Variants in TMPRSS15 observed in about 807,000 individuals in gnomAD.
TMPRSS15 encodes transmembrane serine protease 15, also known as enteropeptidase.
Under a neutral mutation model 125.3 loss-of-function variants are expected in TMPRSS15, and 128 were observed. That is an observed-to-expected ratio of 1.02 (90% CI 0.89 to 1.18). TMPRSS15 has a LOEUF of 1.18. TMPRSS15 is among the 50% of genes most tolerant of loss of function. The pLI is 0.00. For synonymous variants in TMPRSS15, 446 were observed against 423.2 expected (o/e 1.05, Z -0.66); for missense variants, 1,283 against 1,212.7 (o/e 1.06, Z -0.86).
At chr21:18,357,980 C>T (rs2075642014) in intron 8 of TMPRSS15, among the ~76,000 whole-genome samples, 1 of 151,610 alleles carries the variant, frequency 6.6e-6, no homozygotes, top group Non-Finnish European at 1.5e-5. Flanking sequence ...AATGATTATT[C>T]TGAATATCTT....
At chr21:18,394,228 A>G (rs2076013860) in intron 3 of TMPRSS15, among the ~76,000 whole-genome samples, 2 of 152,108 alleles carry the variant, frequency 1.3e-5, no homozygotes, top group African/African-American at 4.8e-5. Context: ...TAAGTTAGCA[A>G]TTTATGTTGT....
In TMPRSS15 at chr21:18,380,166, G is replaced by GTC. The variant is rs200672874; in HGVS notation, c.497-850_497-849dup. 1.0e-3 allele frequency among the ~76,000 whole-genome samples: 85 copies of GTC among 84,642 alleles called. 1 individual carries two copies. In the South Asian group the frequency reaches 0.024, roughly 24 times the overall value. The allele number at this position is 84,642 out of a possible 152,430, so 55.5% of individuals were successfully genotyped here. A position where few individuals can be genotyped will look rare whatever the true frequency, so the allele number is the denominator to read the frequency against. On this transcript the variant is annotated intron_variant, in intron 4 of 24. Coordinates refer to ENST00000284885, the MANE Select transcript of TMPRSS15 (RefSeq NM_002772.3). ...ATGATTTGGAGCCGTTTATGGAGAT[G>GTC]TCACACACACACACACACACACACA...
chr21:18,359,667 A>G, intron 8 of TMPRSS15, 90 bp downstream of exon 8: 1 of 646,088 alleles, frequency 1.5e-6, no homozygotes, highest in African/African-American at 1.9e-5. Context: ...GTCCATATTC[A>G]CTTCAAAATC....
At chr21:18,288,602 G>C (rs1319500685) in intron 21 of TMPRSS15, among the ~76,000 whole-genome samples, 2 of 141,132 alleles carry the variant, frequency 1.4e-5, no homozygotes, top group Admixed American at 1.5e-4. Context: ...GTGCAGTGGT[G>C]CGATCTCGGC....
At chr21:18,415,309 C>T (rs530094894) in intron 1 of TMPRSS15, among the ~76,000 whole-genome samples, 1 of 152,054 alleles carries the variant, frequency 6.6e-6, no homozygotes. Flanking sequence ...CTATAGGTTG[C>T]CTTTCAATCT....
At chr21:18,330,422 G>A (rs2075333201) in intron 14 of TMPRSS15, among the ~76,000 whole-genome samples, 1 of 152,094 alleles carries the variant, frequency 6.6e-6, no homozygotes, top group African/African-American at 2.4e-5. Flanking sequence ...ATAACATGGT[G>A]TAAAATTCTT....
intron 10 of TMPRSS15, among the ~76,000 whole-genome samples, chr21:18,346,603 C>T (rs1264779620): frequency 1.3e-5 from 2 of 152,126 alleles, no homozygotes; most frequent in East Asian, 1.9e-4. Context: ...ATTAGCTGTA[C>T]ATTCAGTTGC....
intron 1 of TMPRSS15, among the ~76,000 whole-genome samples, chr21:18,438,446 T>C (rs1028797518): frequency 1.3e-5 from 2 of 152,064 alleles, no homozygotes; most frequent in Non-Finnish European, 2.9e-5. Context: ...CTGCACGTTG[T>C]GCACATGTCC....
chr21:18,436,208 T>A (rs1015887598), intron 1 of TMPRSS15, among the ~76,000 whole-genome samples: 3 of 151,070 alleles, frequency 2.0e-5, no homozygotes, highest in African/African-American at 7.3e-5. Flanking sequence ...TTTCTAGTTC[T>A]TTTAATTATG....
intron 13 of TMPRSS15, among the ~76,000 whole-genome samples, chr21:18,335,977 C>T (rs2075387876): frequency 1.4e-5 from 2 of 147,270 alleles, no homozygotes; most frequent in South Asian, 4.3e-4. Context: ...CTCTCAAACA[C>T]TTGTGTTCTG....
Position 18,432,179 on chromosome 21 carries a change from C to T in TMPRSS15, c.11-33850G>A, listed in dbSNP as rs189253021. 3.1e-4 allele frequency among the ~76,000 whole-genome samples: 47 copies of T among 152,160 alleles called. No homozygotes were observed. In the Middle Eastern group the frequency reaches 0.01, roughly 33 times the overall value. ...TTCTGGATTATCATTTCCTCCATTC[C>T]TCTTTCCTACTTGGAGGCCTCTTAT... On this transcript the variant is annotated intron_variant, in intron 1 of 7. Coordinates refer to the TMPRSS15 transcript ENST00000422787.
intron 3 of TMPRSS15, among the ~76,000 whole-genome samples, chr21:18,394,506 T>C (rs979290282): frequency 1.3e-5 from 2 of 151,966 alleles, no homozygotes; most frequent in Non-Finnish European, 2.9e-5. Flanking sequence ...TAAATCTTCA[T>C]GTATGGCATT....
chr21:18,408,435 G>A (rs140981786), upstream of TMPRSS15, among the ~76,000 whole-genome samples: 77 of 152,046 alleles, frequency 5.1e-4, 1 homozygote, highest in African/African-American at 1.2e-3. Flanking sequence ...TGTATTCTTC[G>A]TCAAAAATAC....
chr21:18,435,924 T>A (rs1443864636), intron 1 of TMPRSS15, among the ~76,000 whole-genome samples: 1 of 151,514 alleles, frequency 6.6e-6, no homozygotes, highest in African/African-American at 2.4e-5. Context: ...TGCGTAGAGG[T>A]GTTTGTAGTA....
At chr21:18,319,585 C>T (rs1016842438) in intron 16 of TMPRSS15, among the ~76,000 whole-genome samples, 12 of 152,042 alleles carry the variant, frequency 7.9e-5, no homozygotes, top group South Asian at 2.1e-4. Context: ...TGTGCCACCA[C>T]GCTGGGCTAA....
intron 3 of TMPRSS15, among the ~76,000 whole-genome samples, chr21:18,390,503 G>T (rs1462242039): frequency 6.6e-6 from 1 of 152,156 alleles, no homozygotes; most frequent in Non-Finnish European, 1.5e-5. Flanking sequence ...CATTAGTTAG[G>T]TTCTGAAAAT....
chr21:18,374,538 C>CACTAACATA (rs1003377419), intron 5 of TMPRSS15, among the ~76,000 whole-genome samples: 2 of 147,158 alleles, frequency 1.4e-5, no homozygotes, highest in Admixed American at 1.4e-4. Flanking sequence ...AGATGAGTCT[C>CACTAACATA]ACTAACATAG....
At position 18,311,383 on chromosome 21, in the gene TMPRSS15, C is replaced by T. The variant is rs1118289; in HGVS notation, c.2165+1562G>A. The stretch of plus-strand genomic sequence containing the variant: ...GAATATATAAAGAGCTCAAACAAAT[C>T]GACAAGAAATAAAAACATATATTCC... On this transcript the variant is annotated intron_variant, in intron 18 of 24. Coordinates refer to ENST00000284885, the MANE Select transcript of TMPRSS15 (RefSeq NM_002772.3). Among the ~76,000 whole-genome samples the T allele has an allele frequency of 5.0e-3, 767 of 152,054 alleles. 6 individuals are homozygous for T. The highest frequency in any genetic ancestry group is 0.017 in the African/African-American group (726 of 41,486).
At chr21:18,429,858 T>C (rs2076212660) in intron 1 of TMPRSS15, among the ~76,000 whole-genome samples, 2 of 152,240 alleles carry the variant, frequency 1.3e-5, no homozygotes, top group African/African-American at 2.4e-5. Context: ...AATGTTCAAC[T>C]ACATGTTACT....
Sources: gnomAD v4.1 joint callset for allele counts (sites outside exome capture counted in the v4.1 genomes callset) on GRCh38, gnomAD v4.1.1 for gene constraint, MANE v1.5 for transcripts, NCBI Gene and HGNC (gene_info 2026-07-23, HGNC 2026-07-21) for gene names.